Variants in PDE4B observed in about 807,000 individuals in gnomAD.
The protein encoded by PDE4B is phosphodiesterase 4B, also known as 3',5'-cyclic-AMP phosphodiesterase 4B.
A neutral mutation model predicts 82.2 loss-of-function variants in PDE4B; 20 were observed. The observed-to-expected ratio is 0.24, with a 90% CI of 0.17 to 0.35. PDE4B has a LOEUF of 0.35. Ranked by LOEUF, PDE4B falls within the 10% of genes least tolerant of loss-of-function variation. The probability of loss-of-function intolerance (pLI) is 1.00; values close to 1 mark genes in which losing one functional copy is unlikely to be tolerated. For missense variants in PDE4B, 655 were observed against 907.2 expected (o/e 0.72, Z 3.57); for synonymous variants, 320 against 318.9 (o/e 1.00, Z -0.04).
At chr1:66,149,973 TA>T (rs1646358855) in intron 3 of PDE4B, among the ~76,000 whole-genome samples, 1 of 152,246 alleles carries the variant, frequency 6.6e-6, no homozygotes, top group Non-Finnish European at 1.5e-5. Context: ...GTTATGTGGG[TA>T]GCCAGTTATC....
intron 7 of PDE4B, among the ~76,000 whole-genome samples, chr1:66,315,358 C>G (rs963250621): frequency 1.3e-5 from 2 of 152,154 alleles, no homozygotes; most frequent in African/African-American, 4.8e-5. Context: ...TGGAAAATTC[C>G]ACACTCAACC....
chr1:65,994,553 G>A (rs1316875764), intron 3 of PDE4B, among the ~76,000 whole-genome samples: 2 of 152,064 alleles, frequency 1.3e-5, no homozygotes, highest in African/African-American at 2.4e-5. Context: ...CTGACTTGAA[G>A]AAGTCCTCTC....
intron 1 of PDE4B, among the ~76,000 whole-genome samples, chr1:65,820,307 T>C (rs1243965740): frequency 6.6e-6 from 1 of 152,230 alleles, no homozygotes; most frequent in Admixed American, 6.5e-5. Flanking sequence ...ATTAATCTCA[T>C]TGAATGACAA....
intron 3 of PDE4B, among the ~76,000 whole-genome samples, chr1:66,158,432 G>GATTT (rs1646544293): frequency 6.6e-6 from 1 of 152,230 alleles, no homozygotes; most frequent in South Asian, 2.1e-4. Context: ...ATCACTAATT[G>GATTT]TCAGGGAAAT....
intron 3 of PDE4B, among the ~76,000 whole-genome samples, chr1:65,989,608 G>C (rs1651136304): frequency 6.6e-6 from 1 of 152,018 alleles, no homozygotes; most frequent in African/African-American, 2.4e-5. Context: ...AATTAATTGG[G>C]AATTACTCAT....
intron 1 of PDE4B, among the ~76,000 whole-genome samples, chr1:65,868,037 A>G (rs1403630226): frequency 6.6e-6 from 1 of 152,226 alleles, no homozygotes. Context: ...AGAGGTAAAT[A>G]TGTAAGACAT....
At chr1:65,858,885 T>A (rs749023017) in intron 1 of PDE4B, among the ~76,000 whole-genome samples, 1 of 152,194 alleles carries the variant, frequency 6.6e-6, no homozygotes, top group African/African-American at 2.4e-5. Context: ...GCAGTTCAGC[T>A]CTGAACCATT....
chr1:66,009,983 G>A (rs999514185), intron 3 of PDE4B, among the ~76,000 whole-genome samples: 1 of 150,534 alleles, frequency 6.6e-6, no homozygotes, highest in African/African-American at 2.5e-5. Flanking sequence ...GGTATTGTCT[G>A]TCTCTTTTCT....
At chr1:65,910,827 C>T (rs1330628622) in intron 1 of PDE4B, among the ~76,000 whole-genome samples, 2 of 152,180 alleles carry the variant, frequency 1.3e-5, no homozygotes, top group African/African-American at 2.4e-5. Flanking sequence ...CTAGACAGTA[C>T]CTGAGAACCA....
At chr1:65,812,667 G>A (rs979220189) in intron 1 of PDE4B, among the ~76,000 whole-genome samples, 2 of 152,120 alleles carry the variant, frequency 1.3e-5, no homozygotes, top group Admixed American at 1.3e-4. Context: ...GAACTACATA[G>A]ATAATGCTGT....
At chr1:66,118,767 T>G (rs894853590) in intron 3 of PDE4B, among the ~76,000 whole-genome samples, 4 of 152,204 alleles carry the variant, frequency 2.6e-5, no homozygotes, top group Admixed American at 6.5e-5. Context: ...TTAGAGTTGA[T>G]AGCATTTAAT....
chr1:65,881,843 GCA>G (rs1646712137), intron 1 of PDE4B, among the ~76,000 whole-genome samples: 1 of 152,114 alleles, frequency 6.6e-6, no homozygotes, highest in African/African-American at 2.4e-5. Flanking sequence ...AGTTGGTATG[GCA>G]CAGATACATT....
chr1:66,201,056 G>A (rs1489116955), intron 3 of PDE4B, among the ~76,000 whole-genome samples: 3 of 152,172 alleles, frequency 2.0e-5, no homozygotes, highest in African/African-American at 7.2e-5. Flanking sequence ...TTGGAATGAA[G>A]CATTGTTGAA....
intron 3 of PDE4B, among the ~76,000 whole-genome samples, chr1:66,239,150 T>C (rs1477358721): frequency 6.6e-6 from 1 of 152,204 alleles, no homozygotes; most frequent in African/African-American, 2.4e-5. Flanking sequence ...GCAGAGATAC[T>C]TAACTTATGA....
intron 3 of PDE4B, among the ~76,000 whole-genome samples, chr1:66,218,771 C>T (rs1650717851): frequency 6.6e-6 from 1 of 151,868 alleles, no homozygotes; most frequent in Non-Finnish European, 1.5e-5. Context: ...GATATTTATT[C>T]ATTTTAGCAC....
intron 3 of PDE4B, among the ~76,000 whole-genome samples, chr1:66,024,206 C>T (rs985541998): frequency 6.6e-6 from 1 of 152,066 alleles, no homozygotes; most frequent in Admixed American, 6.6e-5. Context: ...ATAATGGGTG[C>T]AAATAATAGA....
At chr1:65,912,372 T>A (rs924046451) in intron 1 of PDE4B, among the ~76,000 whole-genome samples, 2 of 152,168 alleles carry the variant, frequency 1.3e-5, no homozygotes, top group Non-Finnish European at 2.9e-5. Flanking sequence ...TAGATACTAT[T>A]TCACCTTTTA....
chr1:65,845,965 T>C (rs867155273), intron 1 of PDE4B, among the ~76,000 whole-genome samples: 7 of 152,208 alleles, frequency 4.6e-5, no homozygotes, highest in African/African-American at 1.7e-4. Flanking sequence ...TCTTAGTATC[T>C]TTAAGCTGTG....
intron 7 of PDE4B, chr1:66,330,841 T>C: frequency 2.1e-6 from 2 of 942,022 alleles, no homozygotes; most frequent in Non-Finnish European, 2.5e-6. Flanking sequence ...GGAAGGAAGG[T>C]ATGTGTAAGT....
Sources: gnomAD v4.1 joint callset for allele counts (sites outside exome capture counted in the v4.1 genomes callset) on GRCh38, gnomAD v4.1.1 for gene constraint, MANE v1.5 for transcripts, NCBI Gene and HGNC (gene_info 2026-07-23, HGNC 2026-07-21) for gene names.